Variants in PCDHGA6 observed in about 807,000 individuals in gnomAD.
The protein encoded by PCDHGA6 is protocadherin gamma subfamily A, 6.
In PCDHGA6, 41 loss-of-function variants were observed where a neutral mutation model predicts 60.6. The ratio of observed to expected loss-of-function variants is 0.68; its 90% CI spans 0.53 to 0.88. The LOEUF is 0.88. Ranked by LOEUF, PCDHGA6 falls within the 40% of genes least tolerant of loss-of-function variation. The pLI, the probability that PCDHGA6 is intolerant of heterozygous loss-of-function variation, is 0.00. For synonymous variants in PCDHGA6, 594 were observed against 524.4 expected, an observed-to-expected ratio of 1.13 and a Z score of -1.81; for missense variants, 1,312 against 1,203.0, an observed-to-expected ratio of 1.09 and a Z score of -1.34.
intron 3 of PCDHGA6, among the ~76,000 whole-genome samples, chr5:141,506,700 G>GT (rs1446452157): frequency 2.0e-5 from 3 of 152,138 alleles, no homozygotes; most frequent in Admixed American, 1.3e-4. Context: ...ACCCAAACCC[G>GT]TTTTTTACTG....
chr5:141,410,109 ACG>A, intron 1 of PCDHGA6: 1 of 1,612,496 alleles, frequency 6.2e-7, no homozygotes, highest in Non-Finnish European at 8.5e-7. Flanking sequence ...GGCGACAGGG[ACG>A]CAGCCCGCCA....
chr5:141,394,463 G>A (rs1244366845), intron 1 of PCDHGA6: 2 of 1,614,248 alleles, frequency 1.2e-6, no homozygotes, highest in South Asian at 2.2e-5. Flanking sequence ...CACTGAGCCT[G>A]TTCGTGCTGG....
intron 1 of PCDHGA6, chr5:141,421,172 G>T: frequency 7.3e-7 from 1 of 1,366,164 alleles, no homozygotes. Flanking sequence ...AGATACATAA[G>T]CCGATTCACA....
In PCDHGA6 at chr5:141,441,804, C is replaced by CAT. The variant is rs1189673284; in HGVS notation, c.2425-53003_2425-53002insAT. The CAT allele has an allele frequency of 6.5e-4, 249 of 382,482 alleles. 2 individuals are homozygous for CAT. Among genetic ancestry groups the CAT allele is most frequent in the African/African-American group, 4.8e-3 (221 of 45,888 alleles). 23.7% of individuals were successfully genotyped at this position (382,482 alleles called of 1,614,324 possible). The stretch of plus-strand genomic sequence containing the variant: ...CCTGAATGACAACGCACCGCGGGTG[C>CAT]TGTACCCCAGCTCTGGAGCGCAATG... On this transcript the variant is annotated intron_variant, in intron 1 of 3. Transcript: ENST00000517434.
chr5:141,509,765 T>G (rs1312823974), intron 3 of PCDHGA6, among the ~76,000 whole-genome samples: 2 of 152,120 alleles, frequency 1.3e-5, no homozygotes, highest in Non-Finnish European at 1.5e-5. Flanking sequence ...GTCCCTGAGA[T>G]GTCTAGTCCC....
chr5:141,433,906 A>G (rs1218318743), intron 1 of PCDHGA6, among the ~76,000 whole-genome samples: 1 of 151,412 alleles, frequency 6.6e-6, no homozygotes, highest in Non-Finnish European at 1.5e-5. Flanking sequence ...ATCACTTATT[A>G]CAATCACCTC....
At chr5:141,503,335 G>A (rs111643076) in intron 2 of PCDHGA6, among the ~76,000 whole-genome samples, 108 of 152,220 alleles carry the variant, frequency 7.1e-4, no homozygotes, top group African/African-American at 2.4e-3. Context: ...GGTGGCTCAC[G>A]CCTGTAATTC....
intron 1 of PCDHGA6, among the ~76,000 whole-genome samples, chr5:141,444,225 G>A (rs1307884592): frequency 8.0e-6 from 1 of 125,604 alleles, no homozygotes; most frequent in African/African-American, 3.1e-5. Context: ...AGGCTGGAGT[G>A]CAATGGCATG....
At chr5:141,383,537 C>T in intron 1 of PCDHGA6, 1 of 1,612,570 alleles carries the variant, frequency 6.2e-7, no homozygotes, top group African/African-American at 1.3e-5. Flanking sequence ...CTGGTCCTCA[C>T]AGCCTCTGAT....
chr5:141,443,443 G>A (rs2098388456), intron 1 of PCDHGA6, among the ~76,000 whole-genome samples: 1 of 152,124 alleles, frequency 6.6e-6, no homozygotes, highest in African/African-American at 2.4e-5. Flanking sequence ...CTGTGGTTGC[G>A]CTCCTGTACT....
At chr5:141,480,591 T>G (rs557048485) in intron 1 of PCDHGA6, among the ~76,000 whole-genome samples, 1 of 138,080 alleles carries the variant, frequency 7.2e-6, no homozygotes, top group South Asian at 2.2e-4. Flanking sequence ...GCCGCTCTTC[T>G]GGTCAGCCTG....
intron 1 of PCDHGA6, chr5:141,419,843 C>T: frequency 6.2e-7 from 1 of 1,614,070 alleles, no homozygotes; most frequent in Non-Finnish European, 8.5e-7. Flanking sequence ...CACGCTGCAC[C>T]TGGTGTTCGC....
intron 1 of PCDHGA6, chr5:141,414,273 G>A: frequency 6.2e-7 from 1 of 1,613,418 alleles, no homozygotes; most frequent in Non-Finnish European, 8.5e-7. Flanking sequence ...ATTCACCTCT[G>A]GGAACAGTCG....
At chr5:141,388,728 A>G (rs377444638) in intron 1 of PCDHGA6, 11 of 1,613,902 alleles carry the variant, frequency 6.8e-6, no homozygotes, top group Admixed American at 1.7e-5. Flanking sequence ...TTTCTCTTTC[A>G]GTGAAGCTAG....
chr5:141,375,296 G>A lies in PCDHGA6; in HGVS notation c.1213G>A (p.Val405Met), dbSNP rs1771320516. ...ATCAGTTGGCAATTATTATCGATTA[G>A]TGACAAATGCAGCTCTAGACCGGGA... ...EKSVGNYYRL[V>M]TNAALDREEV... The change falls in exon 1 of 4, where the codon GTG becomes ATG. Residue 405 changes from valine (V) to methionine (M), a missense_variant. Transcript: ENST00000517434. 5 of 1,613,828 alleles carry A rather than the reference G, an allele frequency of 3.1e-6. No homozygotes were observed. The South Asian group carries it at 4.4e-5, about 14-fold the overall frequency.
intron 2 of PCDHGA6, among the ~76,000 whole-genome samples, chr5:141,502,988 C>A (rs1285178746): frequency 6.7e-6 from 1 of 150,346 alleles, no homozygotes; most frequent in Non-Finnish European, 1.5e-5. Flanking sequence ...GGATTACAGG[C>A]GTGTGCCACC....
rs1399157230 is a variant in PCDHGA6 at position 141,375,679 on chromosome 5, G to A, written c.1596G>A (p.Val532=). The change falls in exon 1 of 4, where the codon GTG becomes GTA. Residue 532 remains valine (V), a synonymous_variant. Coordinates refer to ENST00000517434, the MANE Select transcript of PCDHGA6 (RefSeq NM_018919.3). ...AGTTGAGAGACCTACAGCTGTGGGT[G>A]ACAGCCAGCGACAGCGGGGACCCGC... ...YEQLRDLQLW[V]TASDSGDPPL... 6.2e-7 allele frequency: 1 copy of A among 1,614,244 alleles called. No individual in the cohort carries two copies. Among genetic ancestry groups the A allele is most frequent in the Admixed American group, 1.7e-5 (1 of 60,036 alleles).
chr5:141,452,929 G>A (rs2154564099), intron 1 of PCDHGA6, among the ~76,000 whole-genome samples: 1 of 152,310 alleles, frequency 6.6e-6, no homozygotes, highest in Admixed American at 6.5e-5. Flanking sequence ...AAGAGCTGCT[G>A]AAGATTTGCT....
chr5:141,432,715 C>T lies in PCDHGA6; in HGVS notation c.2424+56208C>T. 1 of 1,613,996 alleles carries T rather than the reference C, an allele frequency of 6.2e-7. No individual in the cohort carries two copies. The highest frequency in any genetic ancestry group is 8.5e-7 in the Non-Finnish European group (1 of 1,179,970). ...TGGCCGTCCAGGACCACGGCCAGCC[C>T]CCTCTCTCCGCCACTGTCACGCTCA... On this transcript the variant is annotated intron_variant, in intron 1 of 3. Transcript: ENST00000517434. This position sits in a 1 kb window ranked among gnomAD's most constrained non-coding sequence, Gnocchi z 6.0.
Sources: gnomAD v4.1 joint callset for allele counts (sites outside exome capture counted in the v4.1 genomes callset) on GRCh38, gnomAD v4.1.1 for gene constraint, Gnocchi (gnomAD v3.1) non-coding constraint, MANE v1.5 for transcripts, NCBI Gene and HGNC (gene_info 2026-07-23, HGNC 2026-07-21) for gene names.